TMEM170A: variants seen among roughly 807,000 people sequenced by gnomAD.
The protein encoded by TMEM170A is transmembrane protein 170A, also known as transmembrane protein 170.
TMEM170A carries 18 observed loss-of-function variants against 12.8 expected under a neutral mutation model. That is an observed-to-expected ratio of 1.41 (90% CI 0.97 to 2.09). TMEM170A has a LOEUF of 2.09. Ranked by LOEUF, TMEM170A falls within the 30% of genes most tolerant of loss-of-function variation. TMEM170A has a pLI of 0.00. For missense variants in TMEM170A, 220 were observed against 179.9 expected (o/e 1.22, Z -1.28); for synonymous variants, 107 against 76.2 (o/e 1.40, Z -2.11).
At chr16:75,453,238 A>C (rs1299010821) in intron 1 of TMEM170A, among the ~76,000 whole-genome samples, 2 of 152,216 alleles carry the variant, frequency 1.3e-5, no homozygotes, top group Non-Finnish European at 2.9e-5. Flanking sequence ...GTTTGAGACT[A>C]GCTTGGGCAA....
chr16:75,446,859 G>C lies in TMEM170A; in HGVS notation c.*699C>G, dbSNP rs1238217273. 6.6e-6 allele frequency: 1 copy of C among 152,072 alleles called. No homozygotes were observed. The highest frequency in any genetic ancestry group is 1.5e-5 in the Non-Finnish European group (1 of 68,008). 9.4% of individuals were successfully genotyped at this position (152,072 alleles called of 1,614,324 possible). ...AAATCTAAAAAGTCTAAATTAGCTA[G>C]CTTATTTTGATAAAACATACAAAAT... is the stretch of plus-strand genomic sequence containing the variant. On this transcript the variant is annotated 3_prime_UTR_variant, in exon 3 of 3. Coordinates refer to ENST00000561878, the MANE Select transcript of TMEM170A (RefSeq NM_145254.3).
At chr16:75,455,404 A>G (rs1294430408) in intron 1 of TMEM170A, among the ~76,000 whole-genome samples, 1 of 151,298 alleles carries the variant, frequency 6.6e-6, no homozygotes, top group East Asian at 1.9e-4. Flanking sequence ...TGAAGGGGCA[A>G]GATGCCCAAG....
At chr16:75,451,321 G>A in intron 2 of TMEM170A, 1 of 362,936 alleles carries the variant, frequency 2.8e-6, no homozygotes, top group Non-Finnish European at 5.0e-6. Flanking sequence ...AGGCCAAGGT[G>A]GGCAGATTGC....
intron 1 of TMEM170A, among the ~76,000 whole-genome samples, chr16:75,461,057 C>A (rs1053546863): frequency 6.6e-6 from 1 of 151,954 alleles, no homozygotes; most frequent in Non-Finnish European, 1.5e-5. Flanking sequence ...TTTACTTATA[C>A]TCATTTATTT....
Position 75,445,573 on chromosome 16 carries a change from A to C in TMEM170A, c.*1985T>G, listed in dbSNP as rs1275539071. 1 of 152,292 alleles carries C rather than the reference A, an allele frequency of 6.6e-6. No homozygotes were observed. Among genetic ancestry groups the C allele is most frequent in the Admixed American group, 6.5e-5 (1 of 15,284 alleles). The allele number at this position is 152,292 out of a possible 1,614,324, so 9.4% of individuals were successfully genotyped here. A position where few individuals can be genotyped will look rare whatever the true frequency, so the allele number is the denominator to read the frequency against. On this transcript the variant is annotated 3_prime_UTR_variant, in exon 3 of 3. Transcript: ENST00000561878. ...CGACCTCCCAAAGTGCTGGGATTAT[A>C]GGTGTGAGCCACTGCGCCCAGCCAT...
chr16:75,464,483 G>C lies in TMEM170A; in HGVS notation c.118C>G (p.Leu40Val), dbSNP rs1269613685. Residue 40 changes from leucine (L) to valine (V), a missense_variant, in exon 1 of 3, where the codon CTC (leucine) becomes GTC (valine). Leu to Val is a conservative substitution (Grantham distance 32). Coordinates refer to ENST00000561878, the MANE Select transcript of TMEM170A (RefSeq NM_145254.3). ...NGTLCPNSTS[L>V]CSFPEMWYGV... ...CGGGCCGTACCTGGGAAGGAGCAGA[G>C]GGAAGTAGAGTTGGGGCACAGGGTC... The C allele has an allele frequency of 1.3e-6, 2 of 1,560,464 alleles. No homozygotes were observed. The highest frequency in any genetic ancestry group is 1.4e-5 in the African/African-American group (1 of 70,764).
Position 75,445,433 on chromosome 16 carries a change from T to G in TMEM170A, c.*2125A>C, listed in dbSNP as rs2079567126. The stretch of plus-strand genomic sequence containing the variant: ...CAAGTGATCCTCCCACTTTAGCCTC[T>G]TGGGTAGCTGAGGCCACGCCCAGCT... On this transcript the variant is annotated 3_prime_UTR_variant, in exon 3 of 3. Coordinates refer to ENST00000561878, the MANE Select transcript of TMEM170A (RefSeq NM_145254.3). 1.3e-5 allele frequency: 2 copies of G among 152,170 alleles called. No individual in the cohort carries two copies. The highest frequency in any genetic ancestry group is 2.9e-5 in the Non-Finnish European group (2 of 68,072). 9.4% of individuals were successfully genotyped at this position (152,170 alleles called of 1,614,324 possible).
intron 1 of TMEM170A, 172 bp downstream of exon 1, chr16:75,464,296 A>G (rs751121726): frequency 2.0e-4 from 300 of 1,482,816 alleles, no homozygotes; most frequent in Non-Finnish European, 2.5e-4. Flanking sequence ...GGACCGCCGA[A>G]GAAGTGATGG....
intron 1 of TMEM170A, 118 bp from the exon 2 acceptor site, chr16:75,451,957 T>G (rs768688529): frequency 1.7e-5 from 16 of 967,154 alleles, no homozygotes; most frequent in Non-Finnish European, 1.9e-5. Flanking sequence ...TTCCTTTTTT[T>G]TGAAAAATTT....
chr16:75,446,004 A>C lies in TMEM170A; in HGVS notation c.*1554T>G, dbSNP rs907213485. The C allele has an allele frequency of 6.6e-6, 1 of 151,888 alleles. No homozygotes were observed. Among genetic ancestry groups the C allele is most frequent in the Non-Finnish European group, 1.5e-5 (1 of 67,986 alleles). 9.4% of individuals were successfully genotyped at this position (151,888 alleles called of 1,614,324 possible). A position where few individuals can be genotyped will look rare whatever the true frequency, so the allele number is the denominator to read the frequency against. ...CAGCCTGGGCAAGATGGTGAAACCT[A>C]TCTCTACTAAAAATACAAAAATTAG... On this transcript the variant is annotated 3_prime_UTR_variant, in exon 3 of 3. Transcript: ENST00000561878.
intron 2 of TMEM170A, among the ~76,000 whole-genome samples, chr16:75,449,648 T>C (rs192333847): frequency 3.7e-4 from 57 of 152,294 alleles, no homozygotes; most frequent in African/African-American, 1.3e-3. Context: ...GAAGGTATAT[T>C]AACATATTTT....
At chr16:75,464,262 C>G in intron 1 of TMEM170A, 3 of 1,496,116 alleles carry the variant, frequency 2.0e-6, no homozygotes, top group Non-Finnish European at 8.9e-7. Flanking sequence ...TCACGCCCAG[C>G]GGGACTCCGG....
At position 75,451,662 on chromosome 16, in the gene TMEM170A, A is replaced by G; in HGVS notation, c.304+7T>C. 6.2e-7 allele frequency: 1 copy of G among 1,614,150 alleles called. No homozygotes were observed. The highest frequency in any genetic ancestry group is 1.7e-5 in the Admixed American group (1 of 60,028). On this transcript the variant is annotated splice_region_variant and intron_variant, in intron 2 of 2. Coordinates refer to ENST00000561878, the MANE Select transcript of TMEM170A (RefSeq NM_145254.3). ...ATTTTTGACTGGTATTTTAATGTCT[A>G]ACATACTTGTCAAGATTCCAGCAGT... is the stretch of plus-strand genomic sequence containing the variant.
chr16:75,458,968 A>G (rs1220896361), intron 1 of TMEM170A: 1 of 151,922 alleles, frequency 6.6e-6, no homozygotes, highest in Non-Finnish European at 1.5e-5. Flanking sequence ...ATCTCGACTC[A>G]CTGCAACCTC....
rs536720240 is a variant in TMEM170A, at chr16:75,447,685, G to A, written c.308C>T (p.Ala103Val). ...GPITAGILTS[A>V]AIAGVYRAAG... The stretch of plus-strand genomic sequence containing the variant: ...TGCTCGGTAAACTCCAGCAATAGCT[G>A]CACCTGATTTAAAATGCAAGAATGT... Residue 103 changes from alanine to valine, a missense_variant, in exon 3 of 3, where the codon GCA becomes GTA. Ala to Val is a moderately conservative substitution (Grantham distance 64). Transcript: ENST00000561878. The A allele has an allele frequency of 2.5e-6, 4 of 1,584,510 alleles. No homozygotes were observed. The highest frequency in any genetic ancestry group is 2.6e-6 in the Non-Finnish European group (3 of 1,169,428).
chr16:75,447,602 A>T lies in TMEM170A; in HGVS notation c.391T>A (p.Cys131Ser). ...ALTLGTGQTFCVLVVSFLRIL... is the reference protein window; with the variant it reads ...ALTLGTGQTFSVLVVSFLRIL... ...CGTAAAAAGGAGACCACCAAGACGC[A>T]AAATGTCTGTCCAGTGCCCAGTGTG... Residue 131 changes from cysteine (C) to serine (S), a missense_variant, in exon 3 of 3, where the codon TGC (cysteine) becomes AGC (serine). Physicochemically the swap from Cys to Ser is moderately radical, Grantham distance 112 (BLOSUM62 -1). Coordinates refer to ENST00000561878, the MANE Select transcript of TMEM170A (RefSeq NM_145254.3). 6.2e-7 allele frequency: 1 copy of T among 1,613,814 alleles called. No homozygotes were observed. Among genetic ancestry groups the T allele is most frequent in the Non-Finnish European group, 8.5e-7 (1 of 1,179,906 alleles).
rs559017122 is a variant in TMEM170A at position 75,449,979 on chromosome 16, G to A, written c.304+1690C>T. On this transcript the variant is annotated intron_variant, in intron 2 of 2. Transcript: ENST00000561878. ...ACAGAAATGAATACAACATTTATTCGACAATTACTATGTGTCAGGTATTAC... is the reference window on the plus strand; with the variant it reads ...ACAGAAATGAATACAACATTTATTCAACAATTACTATGTGTCAGGTATTAC... Among the ~76,000 whole-genome samples the A allele has an allele frequency of 2.3e-3, 350 of 152,224 alleles. 2 individuals carry two copies. Among genetic ancestry groups the A allele is most frequent in the African/African-American group, 7.9e-3 (330 of 41,534 alleles).
At chr16:75,448,931 C>T (rs1490956055) in intron 2 of TMEM170A, among the ~76,000 whole-genome samples, 2 of 151,886 alleles carry the variant, frequency 1.3e-5, no homozygotes, top group Admixed American at 6.6e-5. Flanking sequence ...GTGTAGTGAA[C>T]GTGCCTGTAA....
chr16:75,464,311 AG>A, intron 1 of TMEM170A, 156 bp downstream of exon 1: 1 of 1,466,880 alleles, frequency 6.8e-7, no homozygotes, highest in Middle Eastern at 1.8e-4. Context: ...TGATGGGGAA[AG>A]GGGCTCCGGG....
Sources: gnomAD v4.1 joint callset for allele counts (sites outside exome capture counted in the v4.1 genomes callset) on GRCh38, gnomAD v4.1.1 for gene constraint, MANE v1.5 for transcripts, NCBI Gene and HGNC (gene_info 2026-07-23, HGNC 2026-07-21) for gene names.